Variants in KDM4A observed in about 807,000 individuals in gnomAD.
KDM4A encodes lysine demethylase 4A, also known as lysine-specific demethylase 4A.
KDM4A carries 23 observed loss-of-function variants against 127.1 expected under a neutral mutation model. The observed-to-expected ratio is 0.18, with a 90% confidence interval of 0.13 to 0.26. KDM4A has a LOEUF of 0.26. KDM4A is among the 10% of genes least tolerant of loss of function. The pLI is 1.00. For synonymous variants in KDM4A, 443 were observed against 466.5 expected, an observed-to-expected ratio of 0.95 and a Z score of 0.65; for missense variants, 890 against 1,329.1, an observed-to-expected ratio of 0.67 and a Z score of 5.14.
Position 43,697,840 on chromosome 1 carries a change from C to T in KDM4A, c.2671-3C>T. ...AGTAACCAAAGCCTCTGTTTTTTTC[C>T]AGCGTGCCAAGGGGGCCTTGCAAAG... On this transcript the variant is annotated splice_polypyrimidine_tract_variant and splice_region_variant and intron_variant, in intron 18 of 21. Coordinates refer to ENST00000372396, the MANE Select transcript of KDM4A (RefSeq NM_014663.3). 1 of 1,602,652 alleles carries T rather than the reference C, an allele frequency of 6.2e-7. No individual in the cohort carries two copies. Among genetic ancestry groups the T allele is most frequent in the Admixed American group, 1.8e-5 (1 of 56,438 alleles).
chr1:43,680,009 C>A (rs924788017), intron 11 of KDM4A, among the ~76,000 whole-genome samples: 1 of 152,174 alleles, frequency 6.6e-6, no homozygotes, highest in Non-Finnish European at 1.5e-5. Flanking sequence ...CAGGCTCACA[C>A]AGCTGCTAGT....
intron 9 of KDM4A, among the ~76,000 whole-genome samples, chr1:43,668,608 G>T (rs867848218): frequency 6.6e-6 from 1 of 152,112 alleles, no homozygotes; most frequent in African/African-American, 2.4e-5. Flanking sequence ...CGAAGGTCGG[G>T]CTCCCTCTGA....
At chr1:43,653,645 C>T (rs998886287) in intron 2 of KDM4A, 1 of 176,296 alleles carries the variant, frequency 5.7e-6, no homozygotes. Context: ...CATCTGACTT[C>T]TCTTGCTCTC....
intron 11 of KDM4A, among the ~76,000 whole-genome samples, chr1:43,682,099 G>A (rs1365459069): frequency 6.6e-6 from 1 of 152,126 alleles, no homozygotes; most frequent in African/African-American, 2.4e-5. Context: ...CTCTTGAGTA[G>A]CTGGGACTAC....
intron 12 of KDM4A, among the ~76,000 whole-genome samples, chr1:43,684,855 A>G (rs1194602838): frequency 6.6e-6 from 1 of 152,190 alleles, no homozygotes; most frequent in African/African-American, 2.4e-5. Context: ...TCTGCCTGCA[A>G]TATGAAGGTC....
intron 11 of KDM4A, among the ~76,000 whole-genome samples, chr1:43,673,315 A>G (rs1428382472): frequency 1.3e-5 from 2 of 152,140 alleles, no homozygotes; most frequent in Non-Finnish European, 2.9e-5. Context: ...TTAAAAATGT[A>G]TCTTAAAAAT....
chr1:43,686,273 T>A lies in KDM4A; in HGVS notation c.1855+2469T>A, dbSNP rs140519964. Among the ~76,000 whole-genome samples, 667 of 148,136 alleles carry A rather than the reference T, an allele frequency of 4.5e-3. 4 individuals carry two copies. Among genetic ancestry groups the A allele is most frequent in the African/African-American group, 0.016 (637 of 40,146 alleles). On this transcript the variant is annotated intron_variant, in intron 12 of 21. Coordinates refer to ENST00000372396, the MANE Select transcript of KDM4A (RefSeq NM_014663.3). ...TCCTGGTCTCGAACTCCTGACCTTG[T>A]GATCCACCCACCTCGGCCTCCCAAA...
chr1:43,686,173 GAGA>G (rs1199464195), intron 12 of KDM4A, among the ~76,000 whole-genome samples: 4 of 23,254 alleles, frequency 1.7e-4, no homozygotes, highest in African/African-American at 3.0e-4. Context: ...TTTTTTTTTT[GAGA>G]AGGAGTCTCA....
chr1:43,697,623 A>C (rs1035086076), intron 18 of KDM4A, among the ~76,000 whole-genome samples: 1 of 152,118 alleles, frequency 6.6e-6, no homozygotes, highest in African/African-American at 2.4e-5. Context: ...GGAAGAGCTA[A>C]ATTTATGGAG....
rs766586024 is a variant in KDM4A, at chr1:43,669,241, C to A, written c.1305C>A (p.Ala435=). 3.1e-6 allele frequency: 5 copies of A among 1,614,170 alleles called. No individual in the cohort carries two copies. In the South Asian group the frequency reaches 5.5e-5, roughly 18 times the overall value. Residue 435 remains alanine (A), a synonymous_variant, in exon 10 of 22, where the codon GCC becomes GCA. Coordinates refer to ENST00000372396, the MANE Select transcript of KDM4A (RefSeq NM_014663.3). ...YEMTECPAAL[A]PVRPTHSSVR... ...TGACGGAGTGCCCGGCAGCCCTCGC[C>A]CCTGTGAGGCCCACCCATAGCTCTG... is the stretch of plus-strand genomic sequence containing the variant.
intron 12 of KDM4A, among the ~76,000 whole-genome samples, chr1:43,686,972 G>A (rs1660997714): frequency 6.6e-6 from 1 of 152,006 alleles, no homozygotes; most frequent in Non-Finnish European, 1.5e-5. Context: ...AATGATCTGG[G>A]GCCACTTTTG....
chr1:43,673,485 A>G (rs763458241), intron 11 of KDM4A, among the ~76,000 whole-genome samples: 6 of 151,830 alleles, frequency 4.0e-5, no homozygotes, highest in Admixed American at 1.3e-4. Flanking sequence ...AGTGTTGCCA[A>G]TAGTCCCTTT....
In KDM4A at chr1:43,662,984, C is replaced by T; in HGVS notation, c.520C>T (p.Pro174Ser). ...GATCACCATTGAGGGTGTGAACACC[C>T]CATACCTGTACTTTGGCATGTGGAA... The part of the protein sequence containing the change: ...SGITIEGVNT[P>S]YLYFGMWKTS... Residue 174 changes from proline to serine, a missense_variant, in exon 5 of 22, where the codon CCA becomes TCA. Physicochemically the swap from Pro to Ser is moderately conservative, Grantham distance 74. Coordinates refer to ENST00000372396, the MANE Select transcript of KDM4A (RefSeq NM_014663.3). The T allele has an allele frequency of 6.2e-7, 1 of 1,614,104 alleles. No individual in the cohort carries two copies. The highest frequency in any genetic ancestry group is 8.5e-7 in the Non-Finnish European group (1 of 1,179,972).
At position 43,693,476 on chromosome 1, in the gene KDM4A, G is replaced by T. The variant is rs1661170334; in HGVS notation, c.2376-518G>T. On this transcript the variant is annotated intron_variant, in intron 16 of 21. Transcript: ENST00000372396. This position sits in a 1 kb window ranked among gnomAD's most constrained non-coding sequence, Gnocchi z 4.2. ...AGACCTCTCAGAGTAAGTGGGGCTT[G>T]GGTCAGACCTTAAAGATTAAAGAGT... Among the ~76,000 whole-genome samples the T allele has an allele frequency of 6.6e-6, 1 of 152,210 alleles. No individual in the cohort carries two copies. The highest frequency in any genetic ancestry group is 6.5e-5 in the Admixed American group (1 of 15,280).
At chr1:43,669,624 G>A (rs1382887202) in intron 10 of KDM4A, among the ~76,000 whole-genome samples, 1 of 152,008 alleles carries the variant, frequency 6.6e-6, no homozygotes, top group Non-Finnish European at 1.5e-5. Context: ...GATGGGAGGA[G>A]CAGGGCACAG....
At chr1:43,686,770 C>A (rs767682752) in intron 12 of KDM4A, among the ~76,000 whole-genome samples, 17 of 152,126 alleles carry the variant, frequency 1.1e-4, no homozygotes, top group South Asian at 4.2e-4. Context: ...AGTTATGTTT[C>A]TTTACTGTTG....
At position 43,692,342 on chromosome 1, in the gene KDM4A, A is replaced by G. The variant is rs757710954; in HGVS notation, c.2375+31A>G. The G allele has an allele frequency of 9.4e-6, 15 of 1,588,868 alleles. No homozygotes were observed. The South Asian group carries it at 1.5e-4, about 16-fold the overall frequency. On this transcript the variant is annotated intron_variant, in intron 16 of 21. Transcript: ENST00000372396. ...TTTCCTGAGCAGTGCCTTGGAATGCACAGGCTCAGTTCCGAAGCACACAGT... is the reference window on the plus strand; with the variant it reads ...TTTCCTGAGCAGTGCCTTGGAATGCGCAGGCTCAGTTCCGAAGCACACAGT...
At chr1:43,659,914 A>G (rs1660332602) in intron 3 of KDM4A, among the ~76,000 whole-genome samples, 1 of 152,136 alleles carries the variant, frequency 6.6e-6, no homozygotes, top group African/African-American at 2.4e-5. Flanking sequence ...AGCTCTTCAC[A>G]TGCTGCTGGG....
At position 43,664,040 on chromosome 1, in the gene KDM4A, A is replaced by C. The variant is rs1660445719; in HGVS notation, c.623+953A>C. Among the ~76,000 whole-genome samples the C allele has an allele frequency of 2.0e-5, 3 of 152,334 alleles. No individual in the cohort carries two copies. The South Asian group carries it at 6.2e-4, about 32-fold the overall frequency. The stretch of plus-strand genomic sequence containing the variant: ...GACTGGTCAGGAGGTAGAAAGTGTG[A>C]GAGAATGCTCATACGGTGTGGGGAC... On this transcript the variant is annotated intron_variant, in intron 5 of 21. Coordinates refer to ENST00000372396, the MANE Select transcript of KDM4A (RefSeq NM_014663.3).
Sources: allele counts gnomAD v4.1 joint callset (sites outside exome capture counted in the v4.1 genomes callset), GRCh38; gene constraint gnomAD v4.1.1; non-coding constraint Gnocchi (gnomAD v3.1); transcripts MANE v1.5; gene names NCBI Gene and HGNC (gene_info 2026-07-23, HGNC 2026-07-21).